Variants in PSMC2 observed in about 807,000 individuals in gnomAD.
PSMC2 encodes the protein proteasome 26S subunit, ATPase 2.
Under a neutral mutation model 53.3 loss-of-function variants are expected in PSMC2, and 7 were observed. The ratio of observed to expected loss-of-function variants is 0.13; its 90% confidence interval spans 0.07 to 0.25. The LOEUF (loss-of-function observed/expected upper bound fraction) is 0.25. Among genes scored for constraint, PSMC2 ranks in the 10% least tolerant of loss-of-function variants. The pLI, the probability that PSMC2 is intolerant of heterozygous loss-of-function variation, is 1.00. For synonymous variants in PSMC2, 169 were observed against 183.9 expected (o/e 0.92, Z 0.66); for missense variants, 241 against 544.0 (o/e 0.44, Z 5.54).
chr7:103,353,453 T>C lies in PSMC2; in HGVS notation c.71-468T>C, dbSNP rs562155250. ...TCCTGAGTAGCTGGGACTACAGACATGCGCCACCATGCCAGGCCAATTTTT... is the reference window on the plus strand; with the variant it reads ...TCCTGAGTAGCTGGGACTACAGACACGCGCCACCATGCCAGGCCAATTTTT... On this transcript the variant is annotated intron_variant, in intron 1 of 11. Coordinates refer to ENST00000292644, the MANE Select transcript of PSMC2 (RefSeq NM_002803.4). Among the ~76,000 whole-genome samples the C allele has an allele frequency of 3.6e-3, 551 of 152,208 alleles. 2 individuals are homozygous for C. The highest frequency in any genetic ancestry group is 0.013 in the African/African-American group (524 of 41,540).
At chr7:103,354,395 T>C (rs981296410) in intron 2 of PSMC2, among the ~76,000 whole-genome samples, 2 of 134,914 alleles carry the variant, frequency 1.5e-5, no homozygotes, top group Non-Finnish European at 3.1e-5. Flanking sequence ...TGAAACGGAG[T>C]GTTGCTCTTG....
At chr7:103,356,327 T>G (rs1333438760) in intron 4 of PSMC2, among the ~76,000 whole-genome samples, 1 of 152,242 alleles carries the variant, frequency 6.6e-6, no homozygotes, top group African/African-American at 2.4e-5. Context: ...ATATTCGTGT[T>G]AAATGTTTCT....
At position 103,368,216 on chromosome 7, in the gene PSMC2, A is replaced by G; in HGVS notation, c.*162A>G. The G allele has an allele frequency of 1.5e-6, 1 of 679,184 alleles. No individual in the cohort carries two copies. The highest frequency in any genetic ancestry group is 2.3e-6 in the Non-Finnish European group (1 of 434,736). The allele number at this position is 679,184 out of a possible 1,614,324, so 42.1% of individuals were successfully genotyped here. On this transcript the variant is annotated 3_prime_UTR_variant, in exon 12 of 12. Coordinates refer to ENST00000292644, the MANE Select transcript of PSMC2 (RefSeq NM_002803.4). ...AAGGTGATTTCTAATGTTATTAGGC[A>G]GAAAAGCTTGTTAGAATATATTTTG...
At chr7:103,349,701 T>C (rs1819686529) in intron 1 of PSMC2, among the ~76,000 whole-genome samples, 1 of 152,142 alleles carries the variant, frequency 6.6e-6, no homozygotes, top group East Asian at 1.9e-4. Flanking sequence ...CCGCCCACCT[T>C]GGCCTCCCAA....
intron 9 of PSMC2, among the ~76,000 whole-genome samples, chr7:103,366,959 C>T (rs1192408301): frequency 6.6e-6 from 1 of 152,168 alleles, no homozygotes; most frequent in African/African-American, 2.4e-5. Flanking sequence ...TGCCTACCAC[C>T]ATGCCTGGCT....
intron 1 of PSMC2, among the ~76,000 whole-genome samples, chr7:103,348,957 C>T (rs76802817): frequency 0.018 from 2,816 of 152,320 alleles, 82 homozygotes; most frequent in African/African-American, 0.065. Flanking sequence ...TGCCAAACTA[C>T]ACTCCATGGA....
chr7:103,366,302 C>G (rs1251896774), intron 9 of PSMC2, 139 bp downstream of exon 9: 1 of 706,298 alleles, frequency 1.4e-6, no homozygotes, highest in South Asian at 1.9e-5. Flanking sequence ...CGCCACAGAT[C>G]TAATAAGTAG....
intron 5 of PSMC2, chr7:103,362,393 G>T: frequency 7.5e-7 from 1 of 1,333,642 alleles, no homozygotes; most frequent in Admixed American, 3.6e-5. Flanking sequence ...GGATAGTTGT[G>T]ATGCTAAGTG....
At chr7:103,364,031 A>T in intron 7 of PSMC2, 112 bp from the exon 8 acceptor site, 1 of 987,346 alleles carries the variant, frequency 1.0e-6, no homozygotes, top group Non-Finnish European at 1.5e-6. Flanking sequence ...TAAATATTAA[A>T]GTATGGTTTT....
At chr7:103,363,220 T>G (rs142060250) in intron 6 of PSMC2, 124 bp from the exon 7 acceptor site, 10,576 of 728,214 alleles carry the variant, frequency 0.015, 109 homozygotes, top group Non-Finnish European at 0.018. Flanking sequence ...GGCAATGTAT[T>G]CAATTTTTAT....
At chr7:103,364,958 C>CATATATATATATAT (rs59914167) in intron 8 of PSMC2, among the ~76,000 whole-genome samples, 2,122 of 125,270 alleles carry the variant, frequency 0.017, 47 homozygotes, top group East Asian at 0.06. Flanking sequence ...TGTAGACATA[C>CATATATATATATAT]ATATATATAT....
In PSMC2 at chr7:103,367,716, C is replaced by A; in HGVS notation, c.1051C>A (p.Arg351=). The A allele has an allele frequency of 6.2e-7, 1 of 1,612,544 alleles. No homozygotes were observed. The highest frequency in any genetic ancestry group is 1.1e-5 in the South Asian group (1 of 90,708). Residue 351 remains arginine (R), a synonymous_variant, in exon 11 of 12, where the codon CGG becomes AGG. Transcript: ENST00000292644. The surrounding 1 kb of genome is among the most constrained non-coding windows in gnomAD (Gnocchi z 6.1). ...TTGTCAATTTTCTCATTTTTAGGGT[C>A]GGACCCACATATTTAAGATTCACGC... The part of the protein sequence containing the change: ...IEFSLPDLEG[R]THIFKIHARS...
chr7:103,356,805 C>G (rs1820058979), intron 4 of PSMC2, among the ~76,000 whole-genome samples: 1 of 152,040 alleles, frequency 6.6e-6, no homozygotes, highest in Admixed American at 6.6e-5. Flanking sequence ...TTCCATTATA[C>G]CTTTTGGGTG....
At chr7:103,361,326 C>A (rs1169790766) in intron 4 of PSMC2, among the ~76,000 whole-genome samples, 12 of 148,160 alleles carry the variant, frequency 8.1e-5, no homozygotes, top group African/African-American at 3.0e-4. Flanking sequence ...AAGAGAAACC[C>A]CCTCTCTACT....
chr7:103,351,908 C>T lies in PSMC2; in HGVS notation c.71-2013C>T, dbSNP rs563142545. ...CTTCCTCTGAGGGTTTTTTTTTAAT[C>T]CAACTCTTCCTTTCTCTTTTCATTG... is the stretch of plus-strand genomic sequence containing the variant. On this transcript the variant is annotated intron_variant, in intron 1 of 11. Coordinates refer to ENST00000292644, the MANE Select transcript of PSMC2 (RefSeq NM_002803.4). Among the ~76,000 whole-genome samples, 3 of 151,588 alleles carry T rather than the reference C, an allele frequency of 2.0e-5. No homozygotes were observed. The South Asian group carries it at 6.2e-4, about 32-fold the overall frequency.
At position 103,355,589 on chromosome 7, in the gene PSMC2, C is replaced by T. The variant is rs570032609; in HGVS notation, c.191-105C>T. The T allele has an allele frequency of 4.0e-5, 33 of 832,684 alleles. No individual in the cohort carries two copies. The South Asian group carries it at 4.4e-4, about 11-fold the overall frequency. 51.6% of individuals were successfully genotyped at this position (832,684 alleles called of 1,614,324 possible). ...TCTATAATGCACATGATAGTCCTCA[C>T]AATGAATGATTCAGTGCAAAATATC... On this transcript the variant is annotated intron_variant, in intron 3 of 11. Coordinates refer to ENST00000292644, the MANE Select transcript of PSMC2 (RefSeq NM_002803.4).
chr7:103,355,035 A>G (rs147050518), intron 3 of PSMC2, 86 bp downstream of exon 3: 11 of 842,506 alleles, frequency 1.3e-5, no homozygotes, highest in Non-Finnish European at 1.9e-5. Context: ...TTACTCCTTC[A>G]TGATTACAGA....
At chr7:103,364,727 A>AT (rs1820600406) in intron 8 of PSMC2, among the ~76,000 whole-genome samples, 1 of 151,932 alleles carries the variant, frequency 6.6e-6, no homozygotes, top group East Asian at 1.9e-4. Context: ...AAATTTCTTG[A>AT]TTGTAATTAG....
intron 5 of PSMC2, 73 bp downstream of exon 5, chr7:103,362,161 G>A (rs946343325): frequency 2.0e-5 from 32 of 1,587,582 alleles, no homozygotes; most frequent in Non-Finnish European, 2.7e-5. Flanking sequence ...CCTTGGCTTT[G>A]TAGTGAATAA....
Sources: gnomAD v4.1 joint callset for allele counts (sites outside exome capture counted in the v4.1 genomes callset) on GRCh38, gnomAD v4.1.1 for gene constraint, Gnocchi (gnomAD v3.1) non-coding constraint, MANE v1.5 for transcripts, NCBI Gene and HGNC (gene_info 2026-07-23, HGNC 2026-07-21) for gene names.